Variants in RAB10 observed in about 807,000 individuals in gnomAD.
RAB10 encodes the protein RAB10, member RAS oncogene family, also known as ras-related protein Rab-10.
RAB10 carries 5 observed loss-of-function variants against 25.7 expected under a neutral mutation model. The observed-to-expected ratio is 0.19, with a 90% CI of 0.10 to 0.41. The LOEUF (loss-of-function observed/expected upper bound fraction) is 0.41. RAB10 is among the 10% of genes least tolerant of loss of function. The pLI is 1.00. For synonymous variants in RAB10, 89 were observed against 86.4 expected (o/e 1.03, Z -0.16); for missense variants, 103 against 245.8 (o/e 0.42, Z 3.89).
rs1172831567 is a variant in RAB10, at chr2:26,135,149, CTATTT to C, written c.*134_*138del. 3 of 625,392 alleles carry C rather than the reference CTATTT, an allele frequency of 4.8e-6. No individual in the cohort carries two copies. In the African/African-American group the frequency reaches 5.7e-5, roughly 12 times the overall value. 38.7% of individuals were successfully genotyped at this position (625,392 alleles called of 1,614,324 possible). A position where few individuals can be genotyped will look rare whatever the true frequency, so the allele number is the denominator to read the frequency against. Reference sequence around the variant, plus strand: ...TTCTCATCTTAACTATCCAAGCCACCTATTTTATTTGTTCTTTCATCTGTGACTGC... The same window carrying C: ...TTCTCATCTTAACTATCCAAGCCACCTATTTGTTCTTTCATCTGTGACTGC... On this transcript the variant is annotated 3_prime_UTR_variant, in exon 6 of 6. Transcript: ENST00000264710.
intron 1 of RAB10, among the ~76,000 whole-genome samples, chr2:26,087,278 G>A (rs1204247788): frequency 6.6e-6 from 1 of 152,070 alleles, no homozygotes; most frequent in Non-Finnish European, 1.5e-5. Context: ...TTATAAAATA[G>A]GCATATTGGT....
intron 1 of RAB10, among the ~76,000 whole-genome samples, chr2:26,094,012 C>G (rs531639446): frequency 6.6e-6 from 1 of 151,962 alleles, no homozygotes; most frequent in Non-Finnish European, 1.5e-5. Context: ...CCTCCCACCA[C>G]AGCCTCCCAA....
intron 1 of RAB10, among the ~76,000 whole-genome samples, chr2:26,070,306 A>G (rs74838594): frequency 0.021 from 3,202 of 152,318 alleles, 64 homozygotes; most frequent in Non-Finnish European, 0.034. Flanking sequence ...GGAAAAGACT[A>G]GATTAAATCA....
At chr2:26,053,250 A>C (rs1226257174) in intron 1 of RAB10, among the ~76,000 whole-genome samples, 4 of 152,208 alleles carry the variant, frequency 2.6e-5, no homozygotes, top group Non-Finnish European at 4.4e-5. Flanking sequence ...CCTCCTTCAA[A>C]ATAATGAGAT....
intron 5 of RAB10, 59 bp downstream of exon 5, chr2:26,128,010 C>G: frequency 7.1e-7 from 1 of 1,398,850 alleles, no homozygotes; most frequent in Non-Finnish European, 1.0e-6. Flanking sequence ...AATATTTTGT[C>G]TATTCTGAAG....
intron 3 of RAB10, among the ~76,000 whole-genome samples, chr2:26,116,715 C>T (rs547207789): frequency 6.6e-6 from 1 of 152,072 alleles, no homozygotes; most frequent in South Asian, 2.1e-4. Context: ...CGCCACCGCA[C>T]CCAGCTAATT....
intron 1 of RAB10, among the ~76,000 whole-genome samples, chr2:26,092,665 G>A (rs1218315164): frequency 6.6e-6 from 1 of 152,094 alleles, no homozygotes; most frequent in African/African-American, 2.4e-5. Context: ...TTCCATGCCA[G>A]GGGGTTTAGC....
chr2:26,104,653 A>G (rs1667430903), intron 2 of RAB10, among the ~76,000 whole-genome samples: 1 of 151,906 alleles, frequency 6.6e-6, no homozygotes. Context: ...GTCAAATCCA[A>G]GATTTGAAGA....
chr2:26,126,524 C>T (rs771193730), intron 3 of RAB10, among the ~76,000 whole-genome samples: 11 of 152,084 alleles, frequency 7.2e-5, no homozygotes, highest in Non-Finnish European at 1.5e-4. Flanking sequence ...ACTCGGGAGG[C>T]GAAAGTTGCA....
At position 26,135,027 on chromosome 2, in the gene RAB10, C is replaced by T. The variant is rs1668080393; in HGVS notation, c.*6C>T. On this transcript the variant is annotated 3_prime_UTR_variant, in exon 6 of 6. Coordinates refer to ENST00000264710, the MANE Select transcript of RAB10 (RefSeq NM_016131.5). ...GGAAGAGCAAATGCTGCTGAGCATTCTCCTGTTCCATCAGTTGCCATCCAC... is the reference window on the plus strand; with the variant it reads ...GGAAGAGCAAATGCTGCTGAGCATTTTCCTGTTCCATCAGTTGCCATCCAC... 2.5e-6 allele frequency: 4 copies of T among 1,605,706 alleles called. No homozygotes were observed. The East Asian group carries it at 8.9e-5, about 36-fold the overall frequency.
rs1214812097 is a variant in RAB10 at position 26,136,528 on chromosome 2, A to AT, written c.*1513dup. 3.9e-5 allele frequency: 6 copies of AT among 152,432 alleles called. No homozygotes were observed. Among genetic ancestry groups the AT allele is most frequent in the Non-Finnish European group, 8.8e-5 (6 of 67,984 alleles). 9.4% of individuals were successfully genotyped at this position (152,432 alleles called of 1,614,324 possible). On this transcript the variant is annotated 3_prime_UTR_variant, in exon 6 of 6. Transcript: ENST00000264710. ...TCTAACCCTGTCCTTTTTTCACTGC[A>AT]TTTTTTCTAGTTTTGCTTCATTGCT...
At chr2:26,134,292 T>A (rs1668065504) in intron 5 of RAB10, among the ~76,000 whole-genome samples, 2 of 152,112 alleles carry the variant, frequency 1.3e-5, no homozygotes, top group Non-Finnish European at 2.9e-5. Flanking sequence ...ATATTTTAAA[T>A]TTTTTATACA....
intron 3 of RAB10, among the ~76,000 whole-genome samples, chr2:26,114,955 C>A (rs946864990): frequency 6.6e-6 from 1 of 151,760 alleles, no homozygotes; most frequent in Non-Finnish European, 1.5e-5. Context: ...AGATCTAAAG[C>A]CATGAAGTGG....
chr2:26,075,737 A>G (rs960665158), intron 1 of RAB10, among the ~76,000 whole-genome samples: 6 of 152,088 alleles, frequency 3.9e-5, no homozygotes, highest in African/African-American at 1.4e-4. Context: ...ACAGTTAATC[A>G]ACAAGTCTTG....
intron 1 of RAB10, chr2:26,042,768 T>C (rs1398553762): frequency 6.6e-6 from 1 of 152,090 alleles, no homozygotes; most frequent in Non-Finnish European, 1.5e-5. Context: ...ATTTGTGAAT[T>C]GTTTCATAAT....
At chr2:26,130,160 A>AT (rs558568426) in intron 5 of RAB10, among the ~76,000 whole-genome samples, 8 of 152,060 alleles carry the variant, frequency 5.3e-5, no homozygotes, top group African/African-American at 1.7e-4. Context: ...CAATTTTAAG[A>AT]TTTTTTTTGA....
At chr2:26,115,365 A>T (rs1667662011) in intron 3 of RAB10, among the ~76,000 whole-genome samples, 1 of 152,180 alleles carries the variant, frequency 6.6e-6, no homozygotes, top group Admixed American at 6.5e-5. Context: ...TGATGAATGG[A>T]TAAATAAAAT....
At position 26,123,476 on chromosome 2, in the gene RAB10, G is replaced by A. The variant is rs188633112; in HGVS notation, c.328-3668G>A. Among the ~76,000 whole-genome samples, 17 of 152,340 alleles carry A rather than the reference G, an allele frequency of 1.1e-4. No individual in the cohort carries two copies. In the East Asian group the frequency reaches 2.7e-3, roughly 24 times the overall value. ...ATCAAGCACAAAACAGTAACTTCCTGCTGGAGAAAACTGTGTACCGATGTT... is the reference window on the plus strand; with the variant it reads ...ATCAAGCACAAAACAGTAACTTCCTACTGGAGAAAACTGTGTACCGATGTT... On this transcript the variant is annotated intron_variant, in intron 3 of 5. Coordinates refer to ENST00000264710, the MANE Select transcript of RAB10 (RefSeq NM_016131.5).
At chr2:26,083,029 A>AT (rs1317107529) in intron 1 of RAB10, among the ~76,000 whole-genome samples, 4 of 152,206 alleles carry the variant, frequency 2.6e-5, no homozygotes, top group Non-Finnish European at 5.9e-5. Context: ...ATTTGATGAA[A>AT]TACACCTCAT....
Sources: allele counts gnomAD v4.1 joint callset (sites outside exome capture counted in the v4.1 genomes callset), GRCh38; gene constraint gnomAD v4.1.1; transcripts MANE v1.5; gene names NCBI Gene and HGNC (gene_info 2026-07-23, HGNC 2026-07-21).